Variants in EFCC1 observed in about 807,000 individuals in gnomAD.
EFCC1 encodes EF-hand and coiled-coil domain containing 1.
EFCC1 carries 50 observed loss-of-function variants against 52.1 expected under a neutral mutation model. The ratio of observed to expected loss-of-function variants is 0.96; its 90% confidence interval spans 0.76 to 1.21. EFCC1 has a LOEUF of 1.21. Among genes scored for constraint, EFCC1 ranks in the 50% most tolerant of loss-of-function variants. The pLI is 0.00. For synonymous variants in EFCC1, 399 were observed against 396.5 expected, an observed-to-expected ratio of 1.01 and a Z score of -0.08; for missense variants, 837 against 867.3, an observed-to-expected ratio of 0.97 and a Z score of 0.44.
Position 129,003,895 on chromosome 3 carries a change from G to A in EFCC1, c.798G>A (p.Ala266=). Residue 266 remains alanine (A), a synonymous_variant, in exon 2 of 8, where the codon GCG becomes GCA. Coordinates refer to ENST00000683648, the MANE Select transcript of EFCC1 (RefSeq NM_001377500.1). The part of the protein sequence containing the change: ...ELRQAQGALA[A]AEARAGRLRR... ...GTCAGGCGCAGGGCGCCCTGGCTGC[G>A]GCGGAGGCCCGCGCTGGGCGGCTGC... is the stretch of plus-strand genomic sequence containing the variant. 2.2e-6 allele frequency: 3 copies of A among 1,377,354 alleles called. No individual in the cohort carries two copies. Among genetic ancestry groups the A allele is most frequent in the Non-Finnish European group, 1.9e-6 (2 of 1,068,632 alleles). 85.3% of individuals were successfully genotyped at this position (1,377,354 alleles called of 1,614,324 possible).
chr3:129,033,491 A>C (rs1328597691), intron 4 of EFCC1, among the ~76,000 whole-genome samples: 1 of 152,172 alleles, frequency 6.6e-6, no homozygotes, highest in African/African-American at 2.4e-5. Flanking sequence ...CTGTGTGAGG[A>C]TTTGAGGTCA....
intron 2 of EFCC1, among the ~76,000 whole-genome samples, chr3:129,004,298 C>A (rs1322873222): frequency 6.6e-6 from 1 of 152,038 alleles, no homozygotes; most frequent in Non-Finnish European, 1.5e-5. Context: ...TCCATTTATC[C>A]ATCCATCTGT....
At chr3:129,039,148 C>T (rs1188505756) in intron 7 of EFCC1, among the ~76,000 whole-genome samples, 3 of 152,196 alleles carry the variant, frequency 2.0e-5, no homozygotes, top group African/African-American at 4.8e-5. Flanking sequence ...CAGCCACATG[C>T]GGGGGAGGTG....
At chr3:129,031,712 G>T (rs950794224) in intron 3 of EFCC1, among the ~76,000 whole-genome samples, 1 of 152,222 alleles carries the variant, frequency 6.6e-6, no homozygotes, top group Non-Finnish European at 1.5e-5. Context: ...CCCTGGCCCT[G>T]CGTTGCTCTA....
chr3:129,037,159 G>C (rs1334356590), intron 6 of EFCC1, 42 bp downstream of exon 6: 1 of 1,553,134 alleles, frequency 6.4e-7, no homozygotes, highest in Non-Finnish European at 8.6e-7. Flanking sequence ...GAAGGGAAAG[G>C]AGCTCTTGGG....
chr3:129,001,672 C>A lies in EFCC1; in HGVS notation c.44C>A (p.Ala15Glu). Residue 15 changes from alanine (A) to glutamate (E), a missense_variant, in exon 1 of 8, where the codon GCG (alanine) becomes GAG (glutamate). By Grantham distance (107) the Ala-to-Glu change is moderately radical. Transcript: ENST00000683648. ...STGAEAGMEGAGGDPYRRPAR... is the reference protein window; with the variant it reads ...STGAEAGMEGEGGDPYRRPAR... ...GGCGCGGAGGCCGGCATGGAGGGCG[C>A]GGGAGGTGACCCGTACCGGCGACCT... 4 of 1,446,274 alleles carry A rather than the reference C, an allele frequency of 2.8e-6. No homozygotes were observed. The highest frequency in any genetic ancestry group is 3.6e-6 in the Non-Finnish European group (4 of 1,101,776). 89.6% of individuals were successfully genotyped at this position (1,446,274 alleles called of 1,614,324 possible).
intron 5 of EFCC1, among the ~76,000 whole-genome samples, chr3:129,035,588 T>C (rs1946344734): frequency 6.6e-6 from 1 of 152,224 alleles, no homozygotes. Context: ...TGCTGAAATG[T>C]GCAAAAGGAA....
At chr3:129,021,211 C>A (rs1576754191) in intron 2 of EFCC1, among the ~76,000 whole-genome samples, 1 of 152,360 alleles carries the variant, frequency 6.6e-6, no homozygotes, top group African/African-American at 2.4e-5. Flanking sequence ...GCGCAAACCT[C>A]ACTTTCGTCA....
intron 5 of EFCC1, among the ~76,000 whole-genome samples, chr3:129,034,916 G>A (rs572378528): frequency 6.6e-6 from 1 of 152,306 alleles, no homozygotes; most frequent in African/African-American, 2.4e-5. Flanking sequence ...GTGGAGCAGG[G>A]GCAGTTTCCC....
At chr3:129,012,550 A>C (rs1354990913) in intron 2 of EFCC1, among the ~76,000 whole-genome samples, 1 of 152,168 alleles carries the variant, frequency 6.6e-6, no homozygotes, top group African/African-American at 2.4e-5. Context: ...CCTGTAGATA[A>C]AGTCCTAGGA....
chr3:129,038,783 G>A (rs778350924), intron 6 of EFCC1, 48 bp from the exon 7 acceptor site: 1 of 1,593,016 alleles, frequency 6.3e-7, no homozygotes, highest in South Asian at 1.1e-5. Flanking sequence ...GGCTGAACAG[G>A]GACACAGCAA....
At position 129,038,823 on chromosome 3, in the gene EFCC1, T is replaced by C. The variant is rs746062614; in HGVS notation, c.1594-8T>C. On this transcript the variant is annotated splice_region_variant and splice_polypyrimidine_tract_variant and intron_variant, in intron 6 of 7. Transcript: ENST00000683648. ...TCTAATCCAGCCTTGTTTCCATTTCTTTTTAAGAACATATCGAAAAGAGCC... is the reference window on the plus strand; with the variant it reads ...TCTAATCCAGCCTTGTTTCCATTTCCTTTTAAGAACATATCGAAAAGAGCC... 24 of 1,613,570 alleles carry C rather than the reference T, an allele frequency of 1.5e-5. No homozygotes were observed. In the South Asian group the frequency reaches 2.3e-4, roughly 16 times the overall value.
rs1946302900 is a variant in EFCC1 at position 129,033,034 on chromosome 3, GCAC to G, written c.1286+70_1286+72del. 2.8e-6 allele frequency: 4 copies of G among 1,431,630 alleles called. No homozygotes were observed. The Admixed American group carries it at 8.4e-5, about 30-fold the overall frequency. The allele number at this position is 1,431,630 out of a possible 1,614,324, so 88.7% of individuals were successfully genotyped here. On this transcript the variant is annotated intron_variant, in intron 4 of 7. Transcript: ENST00000683648. ...CCAGAGGTGTCTGGGGAAGCCAGGA[GCAC>G]CTGGGAGGCTGGTTAGCCTGGCTCA...
In EFCC1 at chr3:129,003,707, G is replaced by A. The variant is rs979675276; in HGVS notation, c.697-87G>A. ...GTGCTCAAGCGCTTCTGGGTGCAGA[G>A]GCATGGGGCCGCCGTCGTGGCGGGC... On this transcript the variant is annotated intron_variant, in intron 1 of 7. Coordinates refer to ENST00000683648, the MANE Select transcript of EFCC1 (RefSeq NM_001377500.1). The A allele has an allele frequency of 8.3e-6, 10 of 1,211,270 alleles. No individual in the cohort carries two copies. In the South Asian group the frequency reaches 1.7e-4, roughly 21 times the overall value. 75.0% of individuals were successfully genotyped at this position (1,211,270 alleles called of 1,614,324 possible).
Position 129,014,386 on chromosome 3 carries a change from C to T in EFCC1, c.980+10309C>T, listed in dbSNP as rs1056773687. Among the ~76,000 whole-genome samples, 4 of 152,170 alleles carry T rather than the reference C, an allele frequency of 2.6e-5. No homozygotes were observed. The highest frequency in any genetic ancestry group is 5.9e-5 in the Non-Finnish European group (4 of 68,040). On this transcript the variant is annotated intron_variant, in intron 2 of 7. Coordinates refer to ENST00000683648, the MANE Select transcript of EFCC1 (RefSeq NM_001377500.1). This position sits in a 1 kb window ranked among gnomAD's most constrained non-coding sequence, Gnocchi z 4.3. ...GTGGAGGCTGACCAGAGTGCGGTGT[C>T]GCAGCGTTGGCTTCTCCTGCGGCCT...
At chr3:129,033,395 G>GGGACACCTC (rs1946311899) in intron 4 of EFCC1, among the ~76,000 whole-genome samples, 2 of 152,102 alleles carry the variant, frequency 1.3e-5, no homozygotes, top group Non-Finnish European at 2.9e-5. Flanking sequence ...CAGGACACCT[G>GGGACACCTC]GGACACCTCA....
At chr3:129,011,911 A>T (rs1418832621) in intron 2 of EFCC1, among the ~76,000 whole-genome samples, 1 of 152,228 alleles carries the variant, frequency 6.6e-6, no homozygotes, top group Non-Finnish European at 1.5e-5. Context: ...AGAAGGAAGG[A>T]GCCTAGACAG....
At chr3:129,029,302 G>A (rs1946219123) in intron 2 of EFCC1, among the ~76,000 whole-genome samples, 1 of 152,124 alleles carries the variant, frequency 6.6e-6, no homozygotes, top group African/African-American at 2.4e-5. Flanking sequence ...GTAACTGCAG[G>A]GAAATGGAAA....
At chr3:129,033,085 A>C in intron 4 of EFCC1, 119 bp downstream of exon 4, 3 of 1,360,248 alleles carry the variant, frequency 2.2e-6, no homozygotes, top group East Asian at 5.5e-5. Context: ...CCCCTCTGCG[A>C]CTCTGTCCCC....
Sources: allele counts gnomAD v4.1 joint callset (sites outside exome capture counted in the v4.1 genomes callset), GRCh38; gene constraint gnomAD v4.1.1; non-coding constraint Gnocchi (gnomAD v3.1); transcripts MANE v1.5; gene names NCBI Gene and HGNC (gene_info 2026-07-23, HGNC 2026-07-21).